KCND2: variants seen among roughly 807,000 people sequenced by gnomAD.
The protein encoded by KCND2 is potassium voltage-gated channel subfamily D member 2, also known as A-type voltage-gated potassium channel KCND2.
KCND2 carries 16 observed loss-of-function variants against 54.4 expected under a neutral mutation model. That is an observed-to-expected ratio of 0.29 (90% CI 0.20 to 0.45). KCND2 has a LOEUF of 0.45. Among genes scored for constraint, KCND2 ranks in the 20% least tolerant of loss-of-function variants. The pLI is 1.00. For synonymous variants in KCND2, 317 were observed against 310.7 expected, an observed-to-expected ratio of 1.02 and a Z score of -0.21; for missense variants, 486 against 824.2, an observed-to-expected ratio of 0.59 and a Z score of 5.02.
chr7:120,651,638 G>A (rs956934246), intron 1 of KCND2, among the ~76,000 whole-genome samples: 2 of 152,034 alleles, frequency 1.3e-5, no homozygotes, highest in African/African-American at 2.4e-5. Flanking sequence ...CCCAGTGTCC[G>A]ACAAGCCCCA....
intron 1 of KCND2, among the ~76,000 whole-genome samples, chr7:120,382,835 T>C (rs1405425571): frequency 6.6e-6 from 1 of 151,896 alleles, no homozygotes; most frequent in African/African-American, 2.4e-5. Flanking sequence ...CCTTTCTTTG[T>C]TCTTAAGAGT....
At chr7:120,666,625 G>A (rs889608687) in intron 1 of KCND2, among the ~76,000 whole-genome samples, 4 of 151,730 alleles carry the variant, frequency 2.6e-5, no homozygotes, top group African/African-American at 7.3e-5. Context: ...TGTGAGACAC[G>A]CGTAAGCTCT....
chr7:120,575,556 C>T (rs892992172), intron 1 of KCND2, among the ~76,000 whole-genome samples: 2 of 152,116 alleles, frequency 1.3e-5, no homozygotes, highest in Non-Finnish European at 2.9e-5. Context: ...CCCAGACATA[C>T]CCAGAAACAA....
intron 1 of KCND2, among the ~76,000 whole-genome samples, chr7:120,307,180 C>T (rs551283877): frequency 6.6e-6 from 1 of 151,858 alleles, no homozygotes; most frequent in African/African-American, 2.4e-5. Context: ...ATCTAATAGA[C>T]ACAAACCCCT....
At chr7:120,677,482 T>C (rs1584879988) in intron 1 of KCND2, among the ~76,000 whole-genome samples, 1 of 151,622 alleles carries the variant, frequency 6.6e-6, no homozygotes, top group East Asian at 1.9e-4. Context: ...TGCTGTTAAG[T>C]TGAGTTTCTG....
chr7:120,555,629 T>TA (rs1290843876), intron 1 of KCND2, among the ~76,000 whole-genome samples: 1 of 152,246 alleles, frequency 6.6e-6, no homozygotes, highest in Non-Finnish European at 1.5e-5. Flanking sequence ...AATCTGAGTG[T>TA]AAAAGCAGAC....
Position 120,431,876 on chromosome 7 carries a change from C to T in KCND2, c.1115+156129C>T, listed in dbSNP as rs116756331. On this transcript the variant is annotated intron_variant, in intron 1 of 5. Coordinates refer to ENST00000331113, the MANE Select transcript of KCND2 (RefSeq NM_012281.3). ...ACATTTGCACGCACACACATCCACGCACATAATCTTCCATACTCTACTGTT... is the reference window on the plus strand; with the variant it reads ...ACATTTGCACGCACACACATCCACGTACATAATCTTCCATACTCTACTGTT... 9.5e-3 allele frequency among the ~76,000 whole-genome samples: 1,450 copies of T among 152,172 alleles called. 24 individuals are homozygous for T. The highest frequency in any genetic ancestry group is 0.033 in the African/African-American group (1,354 of 41,534).
At chr7:120,642,281 G>A (rs1263486391) in intron 1 of KCND2, among the ~76,000 whole-genome samples, 2 of 151,816 alleles carry the variant, frequency 1.3e-5, no homozygotes, top group East Asian at 3.9e-4. Flanking sequence ...CGGGCCCGGT[G>A]GCTCACGCCT....
At chr7:120,651,338 G>T (rs1017245064) in intron 1 of KCND2, among the ~76,000 whole-genome samples, 1 of 151,816 alleles carries the variant, frequency 6.6e-6, no homozygotes, top group East Asian at 1.9e-4. Flanking sequence ...CCCAAGCCTG[G>T]CTGCTGCCTT....
intron 1 of KCND2, among the ~76,000 whole-genome samples, chr7:120,370,380 A>G (rs1800748641): frequency 6.6e-6 from 1 of 152,042 alleles, no homozygotes; most frequent in South Asian, 2.1e-4. Context: ...AGTTTTGGGC[A>G]TAAGTGATGT....
chr7:120,657,503 A>G (rs1791817138), intron 1 of KCND2, among the ~76,000 whole-genome samples: 1 of 152,126 alleles, frequency 6.6e-6, no homozygotes, highest in Admixed American at 6.5e-5. Flanking sequence ...AGATTGAACT[A>G]TTTGCGTACA....
intron 1 of KCND2, among the ~76,000 whole-genome samples, chr7:120,657,324 C>T (rs1396679843): frequency 6.6e-6 from 1 of 152,092 alleles, no homozygotes; most frequent in Non-Finnish European, 1.5e-5. Context: ...TTTCTCATAA[C>T]AGACGTGAAA....
chr7:120,302,981 A>C, intron 1 of KCND2, among the ~76,000 whole-genome samples: 1 of 152,238 alleles, frequency 6.6e-6, no homozygotes, highest in East Asian at 1.9e-4. Flanking sequence ...TGGAACTAAA[A>C]GCAAAATATT....
intron 1 of KCND2, among the ~76,000 whole-genome samples, chr7:120,707,188 T>C (rs1204245365): frequency 1.3e-5 from 2 of 152,168 alleles, no homozygotes; most frequent in Admixed American, 6.6e-5. Flanking sequence ...AAATATGATG[T>C]TTGGAAGAAT....
intron 1 of KCND2, among the ~76,000 whole-genome samples, chr7:120,622,235 A>C (rs1297213153): frequency 1.3e-5 from 2 of 152,290 alleles, no homozygotes; most frequent in East Asian, 3.9e-4. Context: ...GTTTTAAAAG[A>C]ACTCAACATA....
At chr7:120,410,387 T>C (rs959879883) in intron 1 of KCND2, among the ~76,000 whole-genome samples, 1 of 152,092 alleles carries the variant, frequency 6.6e-6, no homozygotes, top group South Asian at 2.1e-4. Flanking sequence ...TTTGGGTCCA[T>C]GTAAATTTTA....
intron 1 of KCND2, among the ~76,000 whole-genome samples, chr7:120,532,964 AT>A (rs1295859124): frequency 6.6e-6 from 1 of 152,006 alleles, no homozygotes; most frequent in East Asian, 1.9e-4. Flanking sequence ...TATAAAGTAA[AT>A]TTTACAGTAG....
chr7:120,586,519 A>C (rs1339084783), intron 1 of KCND2, among the ~76,000 whole-genome samples: 1 of 152,234 alleles, frequency 6.6e-6, no homozygotes, highest in African/African-American at 2.4e-5. Flanking sequence ...TTGCATCAAA[A>C]ATTGACAGGC....
intron 1 of KCND2, among the ~76,000 whole-genome samples, chr7:120,289,709 T>C (rs1038014105): frequency 1.3e-5 from 2 of 152,000 alleles, no homozygotes; most frequent in Non-Finnish European, 2.9e-5. Flanking sequence ...CCCTTCACCT[T>C]AGGCCAGACA....
Sources: gnomAD v4.1 joint callset for allele counts (sites outside exome capture counted in the v4.1 genomes callset) on GRCh38, gnomAD v4.1.1 for gene constraint, MANE v1.5 for transcripts, NCBI Gene and HGNC (gene_info 2026-07-23, HGNC 2026-07-21) for gene names.